Variants in DSCAM observed in about 807,000 individuals in gnomAD.
DSCAM encodes cell adhesion molecule DSCAM.
In DSCAM, 47 loss-of-function variants were observed where a neutral mutation model predicts 217.7. The observed-to-expected ratio is 0.22, with a 90% CI of 0.17 to 0.28. DSCAM has a LOEUF of 0.28. Among genes scored for constraint, DSCAM ranks in the 10% least tolerant of loss-of-function variants. The pLI is 1.00. For synonymous variants in DSCAM, 1,056 were observed against 1,015.3 expected (o/e 1.04, Z -0.76); for missense variants, 2,080 against 2,618.3 (o/e 0.79, Z 4.49).
At chr21:40,296,399 G>C (rs1354976246) in intron 9 of DSCAM, among the ~76,000 whole-genome samples, 1 of 152,260 alleles carries the variant, frequency 6.6e-6, no homozygotes, top group South Asian at 2.1e-4. Flanking sequence ...ACAGGTAAAA[G>C]CCCTTTGAAC....
intron 3 of DSCAM, among the ~76,000 whole-genome samples, chr21:40,583,402 C>T (rs901320973): frequency 3.3e-5 from 5 of 152,082 alleles, no homozygotes; most frequent in Non-Finnish European, 7.4e-5. Flanking sequence ...AACCCACAAA[C>T]GAACCCACAG....
At chr21:40,251,391 T>C (rs574124944) in intron 11 of DSCAM, among the ~76,000 whole-genome samples, 141 of 152,244 alleles carry the variant, frequency 9.3e-4, no homozygotes, top group African/African-American at 3.3e-3. Context: ...TATCACTATA[T>C]TAATTTTTTT....
intron 20 of DSCAM, among the ~76,000 whole-genome samples, chr21:40,105,363 T>A (rs62237595): frequency 0.089 from 13,581 of 152,230 alleles, 927 homozygotes; most frequent in East Asian, 0.29. Context: ...AATCTCATCT[T>A]GAATTGTAGT....
chr21:40,563,544 T>G (rs372704), intron 3 of DSCAM, among the ~76,000 whole-genome samples: 2 of 142,300 alleles, frequency 1.4e-5, no homozygotes, highest in Non-Finnish European at 3.0e-5. Flanking sequence ...TATAGTTATA[T>G]GTTTATATAT....
chr21:40,816,719 A>AT (rs142681855), intron 1 of DSCAM, among the ~76,000 whole-genome samples: 1 of 151,986 alleles, frequency 6.6e-6, no homozygotes, highest in Admixed American at 6.6e-5. Context: ...AAGGGGATAC[A>AT]TTTTTTTTCT....
At chr21:40,036,327 A>G (rs2088622564) in intron 32 of DSCAM, among the ~76,000 whole-genome samples, 2 of 149,960 alleles carry the variant, frequency 1.3e-5, no homozygotes, top group African/African-American at 5.1e-5. Flanking sequence ...AAAATGATAA[A>G]GGGGACATCA....
intron 11 of DSCAM, among the ~76,000 whole-genome samples, chr21:40,263,616 T>C (rs770307848): frequency 1.3e-5 from 2 of 152,022 alleles, no homozygotes; most frequent in Non-Finnish European, 2.9e-5. Flanking sequence ...GTCTGAAAGA[T>C]CAGAAGTTGA....
At chr21:40,436,696 A>G (rs974525344) in intron 3 of DSCAM, among the ~76,000 whole-genome samples, 3 of 152,152 alleles carry the variant, frequency 2.0e-5, no homozygotes, top group Non-Finnish European at 2.9e-5. Flanking sequence ...GCCAAGTGAA[A>G]CTAGGCCGCC....
chr21:40,673,344 C>T (rs2090298999), intron 3 of DSCAM, among the ~76,000 whole-genome samples: 1 of 152,256 alleles, frequency 6.6e-6, no homozygotes, highest in Admixed American at 6.5e-5. Flanking sequence ...AGTGTATCTA[C>T]ATATTAGACT....
At chr21:40,437,258 G>T (rs1233236753) in intron 3 of DSCAM, among the ~76,000 whole-genome samples, 1 of 152,146 alleles carries the variant, frequency 6.6e-6, no homozygotes, top group African/African-American at 2.4e-5. Flanking sequence ...TTTCAAGCAA[G>T]GGGAGACTTG....
chr21:40,278,083 T>C (rs544323169), intron 10 of DSCAM, among the ~76,000 whole-genome samples: 4 of 152,210 alleles, frequency 2.6e-5, no homozygotes, highest in South Asian at 2.1e-4. Flanking sequence ...TTTATTTATG[T>C]ATAATAGTAA....
intron 1 of DSCAM, among the ~76,000 whole-genome samples, chr21:40,781,101 G>C (rs572354508): frequency 4.6e-5 from 7 of 151,872 alleles, no homozygotes; most frequent in Non-Finnish European, 1.0e-4. Flanking sequence ...CTCCACCTCC[G>C]GGGTTCAAGC....
At chr21:40,390,051 A>C (rs1166283944) in intron 3 of DSCAM, among the ~76,000 whole-genome samples, 1 of 152,088 alleles carries the variant, frequency 6.6e-6, no homozygotes, top group Non-Finnish European at 1.5e-5. Flanking sequence ...GTCCCTTTCA[A>C]ATCTCCTGGA....
rs559680835 is a variant in DSCAM at position 40,389,729 on chromosome 21, C to T, written c.509-20484G>A. Among the ~76,000 whole-genome samples, 14 of 152,274 alleles carry T rather than the reference C, an allele frequency of 9.2e-5. No homozygotes were observed. The South Asian group carries it at 2.9e-3, about 32-fold the overall frequency. On this transcript the variant is annotated intron_variant, in intron 3 of 32. Transcript: ENST00000400454. ...TACCATCGCAGAATGGACAAGTACT[C>T]TCGAGAAATCTTCATGTACACTGGC... is the stretch of plus-strand genomic sequence containing the variant.
intron 9 of DSCAM, among the ~76,000 whole-genome samples, chr21:40,307,246 A>AT (rs1246458249): frequency 1.3e-5 from 2 of 150,898 alleles, no homozygotes; most frequent in African/African-American, 4.9e-5. Flanking sequence ...AGAAAAAAAA[A>AT]ACAACCCCAT....
chr21:40,642,776 T>C (rs899776579), intron 3 of DSCAM, among the ~76,000 whole-genome samples: 1 of 151,802 alleles, frequency 6.6e-6, no homozygotes, highest in South Asian at 2.1e-4. Flanking sequence ...TTTAGTAGAG[T>C]TGGGGGTTCT....
chr21:40,334,488 C>G, intron 8 of DSCAM, among the ~76,000 whole-genome samples: 1 of 152,192 alleles, frequency 6.6e-6, no homozygotes, highest in South Asian at 2.1e-4. Context: ...GAAATAGATC[C>G]GGAGTCTGTC....
intron 9 of DSCAM, among the ~76,000 whole-genome samples, chr21:40,305,966 C>T (rs2074070220): frequency 6.6e-6 from 1 of 151,978 alleles, no homozygotes; most frequent in South Asian, 2.1e-4. Context: ...TAGTTTTTTC[C>T]AATTCTGTGA....
At chr21:40,646,052 G>C (rs1017174024) in intron 3 of DSCAM, among the ~76,000 whole-genome samples, 1 of 152,090 alleles carries the variant, frequency 6.6e-6, no homozygotes, top group Admixed American at 6.6e-5. Context: ...AGTTTGAGCC[G>C]ATGAAGGGAG....
Sources: gnomAD v4.1 joint callset for allele counts (sites outside exome capture counted in the v4.1 genomes callset) on GRCh38, gnomAD v4.1.1 for gene constraint, MANE v1.5 for transcripts, NCBI Gene and HGNC (gene_info 2026-07-23, HGNC 2026-07-21) for gene names.